The following SMPD3 variants were observed in gnomAD, a reference collection of about 807,000 sequenced individuals.
The protein encoded by SMPD3 is sphingomyelin phosphodiesterase 3, also known as nSMase-2.
SMPD3 carries 21 observed loss-of-function variants against 55.7 expected under a neutral mutation model. The observed-to-expected ratio is 0.38, with a 90% CI of 0.27 to 0.54. The LOEUF is 0.54. Ranked by LOEUF, SMPD3 falls within the 20% of genes least tolerant of loss-of-function variation. SMPD3 has a pLI of 0.80. For missense variants in SMPD3, 842 were observed against 899.6 expected (o/e 0.94, Z 0.82); for synonymous variants, 457 against 404.3 (o/e 1.13, Z -1.56).
At chr16:68,445,268 A>G (rs1013005100) in intron 1 of SMPD3, among the ~76,000 whole-genome samples, 1 of 152,256 alleles carries the variant, frequency 6.6e-6, no homozygotes, top group Admixed American at 6.5e-5. Flanking sequence ...GAACAGGGAA[A>G]GAGGAGAAAA....
intron 2 of SMPD3, among the ~76,000 whole-genome samples, chr16:68,374,421 G>A (rs2089756397): frequency 6.6e-6 from 1 of 151,874 alleles, no homozygotes. Flanking sequence ...GACGGGTGCA[G>A]TTTGGAGCAG....
At position 68,411,966 on chromosome 16, in the gene SMPD3, C is replaced by T. The variant is rs941654799; in HGVS notation, c.-268-25307G>A. ...GAGGGGAGAGGCTGGGGTGGGGGAG[C>T]TTTTGAGACATGGTGGCTGGGAGGC... On this transcript the variant is annotated intron_variant, in intron 1 of 8. Coordinates refer to ENST00000219334, the MANE Select transcript of SMPD3 (RefSeq NM_018667.4). Among the ~76,000 whole-genome samples the T allele has an allele frequency of 2.0e-5, 3 of 152,126 alleles. No individual in the cohort carries two copies. The East Asian group carries it at 5.8e-4, about 30-fold the overall frequency.
intron 2 of SMPD3, among the ~76,000 whole-genome samples, chr16:68,378,569 C>A (rs993218714): frequency 6.6e-6 from 1 of 151,890 alleles, no homozygotes; most frequent in Non-Finnish European, 1.5e-5. Context: ...ACCTGCACAC[C>A]CCCCCACCCC....
intron 2 of SMPD3, among the ~76,000 whole-genome samples, chr16:68,379,945 C>G (rs910717552): frequency 6.6e-6 from 1 of 152,226 alleles, no homozygotes; most frequent in Non-Finnish European, 1.5e-5. Flanking sequence ...CAAGAGCCAA[C>G]GTGATGTTTC....
At chr16:68,435,454 G>A (rs897199714) in intron 1 of SMPD3, among the ~76,000 whole-genome samples, 1 of 150,700 alleles carries the variant, frequency 6.6e-6, no homozygotes, top group Non-Finnish European at 1.5e-5. Flanking sequence ...AGCTTTAAGT[G>A]GTTTGTTTAA....
At chr16:68,439,553 T>G (rs2090550474) in intron 1 of SMPD3, among the ~76,000 whole-genome samples, 1 of 152,232 alleles carries the variant, frequency 6.6e-6, no homozygotes, top group Non-Finnish European at 1.5e-5. Context: ...TCCACCTCAA[T>G]TCACCCGCTA....
intron 2 of SMPD3, among the ~76,000 whole-genome samples, chr16:68,382,818 T>C (rs2089976529): frequency 6.6e-6 from 1 of 152,122 alleles, no homozygotes; most frequent in South Asian, 2.1e-4. Flanking sequence ...TGCCCCCAGT[T>C]AGTTTTTTTG....
chr16:68,363,395 C>T, intron 7 of SMPD3, 101 bp downstream of exon 7: 1 of 1,346,156 alleles, frequency 7.4e-7, no homozygotes, highest in East Asian at 2.3e-5. Flanking sequence ...TAAAAGCCCT[C>T]ATGAGCCCGA....
rs1413408438 is a variant in SMPD3, at chr16:68,404,454, C to T, written c.-268-17795G>A. Reference sequence around the variant, plus strand: ...CTCCTGGGCTCAAGGGATTCGCTTGCCTTGGCCTCCCAGGCATGAGCCACC... The same window carrying T: ...CTCCTGGGCTCAAGGGATTCGCTTGTCTTGGCCTCCCAGGCATGAGCCACC... On this transcript the variant is annotated intron_variant, in intron 1 of 8. Coordinates refer to ENST00000219334, the MANE Select transcript of SMPD3 (RefSeq NM_018667.4). The surrounding 1 kb of genome is among the most constrained non-coding windows in gnomAD (Gnocchi z 4.0). Among the ~76,000 whole-genome samples, 1 of 152,094 alleles carries T rather than the reference C, an allele frequency of 6.6e-6. No homozygotes were observed. Among genetic ancestry groups the T allele is most frequent in the Non-Finnish European group, 1.5e-5 (1 of 68,006 alleles).
intron 1 of SMPD3, among the ~76,000 whole-genome samples, chr16:68,395,118 T>G (rs1201771800): frequency 2.0e-5 from 3 of 151,690 alleles, no homozygotes; most frequent in Admixed American, 2.0e-4. Context: ...GGCAGGATTA[T>G]AGGTGATAGT....
Position 68,371,483 on chromosome 16 carries a change from A to G in SMPD3, c.699T>C (p.Pro233=), listed in dbSNP as rs368547386. The change falls in exon 3 of 9, where the codon CCT becomes CCC. Residue 233 remains proline, a synonymous_variant. Transcript: ENST00000219334. ...CATCCTCCGGGCTGCTGCTGTCGAC[A>G]GGGTCCCCAGAGGCTGGGCCGTTGG... ...EAANGPASGD[P]VDSSSPEDAC... is the part of the protein sequence containing the mutation. 1.8e-4 allele frequency: 292 copies of G among 1,598,278 alleles called. No individual in the cohort carries two copies. The highest frequency in any genetic ancestry group is 2.1e-4 in the Non-Finnish European group (244 of 1,179,422).
At chr16:68,426,394 G>C (rs1022307365) in intron 1 of SMPD3, among the ~76,000 whole-genome samples, 1 of 152,114 alleles carries the variant, frequency 6.6e-6, no homozygotes, top group Non-Finnish European at 1.5e-5. Context: ...GGCTCACCCT[G>C]GTCACACTGA....
chr16:68,406,396 C>A (rs2090254737), intron 1 of SMPD3, among the ~76,000 whole-genome samples: 1 of 152,194 alleles, frequency 6.6e-6, no homozygotes, highest in African/African-American at 2.4e-5. Flanking sequence ...TTTAACCTGG[C>A]CCTCCTCTTC....
At chr16:68,439,337 C>G (rs532338176) in intron 1 of SMPD3, among the ~76,000 whole-genome samples, 47 of 152,348 alleles carry the variant, frequency 3.1e-4, no homozygotes, top group Admixed American at 2.2e-3. Context: ...CTCCTCTCCC[C>G]AGCCAGACCC....
chr16:68,394,308 C>T lies in SMPD3; in HGVS notation c.-268-7649G>A, dbSNP rs552278587. On this transcript the variant is annotated intron_variant, in intron 1 of 8. Transcript: ENST00000219334. ...TTTGTCTACATTTTAGGTTTCATGT[C>T]TTACCTTATCCTCAACATCACTAAT... 2.0e-4 allele frequency among the ~76,000 whole-genome samples: 31 copies of T among 152,286 alleles called. No individual in the cohort carries two copies. In the South Asian group the frequency reaches 6.2e-3, roughly 30 times the overall value.
chr16:68,442,647 C>T (rs555835629), intron 1 of SMPD3, among the ~76,000 whole-genome samples: 4 of 152,242 alleles, frequency 2.6e-5, no homozygotes, highest in South Asian at 4.2e-4. Flanking sequence ...AGGGTTATAG[C>T]CAGGATTAGA....
chr16:68,433,209 G>A, intron 1 of SMPD3, among the ~76,000 whole-genome samples: 1 of 152,208 alleles, frequency 6.6e-6, no homozygotes, highest in African/African-American at 2.4e-5. Context: ...TACCCAAGGT[G>A]ATGATTTATT....
rs1398770638 is a variant in SMPD3, at chr16:68,358,369, C to T, written c.*2837G>A. 1 of 152,744 alleles carries T rather than the reference C, an allele frequency of 6.5e-6. No homozygotes were observed. The allele number at this position is 152,744 out of a possible 1,614,324, so 9.5% of individuals were successfully genotyped here. A position where few individuals can be genotyped will look rare whatever the true frequency, so the allele number is the denominator to read the frequency against. On this transcript the variant is annotated 3_prime_UTR_variant, in exon 9 of 9. Coordinates refer to ENST00000219334, the MANE Select transcript of SMPD3 (RefSeq NM_018667.4). ...ATTTTCTCCTCGTTATCCATCCTTCCTTTCAGCACCAGTAAGGAAAAAGAA... is the reference window on the plus strand; with the variant it reads ...ATTTTCTCCTCGTTATCCATCCTTCTTTTCAGCACCAGTAAGGAAAAAGAA...
At chr16:68,390,856 T>TG (rs2090105221) in intron 1 of SMPD3, among the ~76,000 whole-genome samples, 3 of 152,040 alleles carry the variant, frequency 2.0e-5, no homozygotes, top group African/African-American at 4.8e-5. Flanking sequence ...GGTGAGACCC[T>TG]GGGGGAGAGG....
Sources: gnomAD v4.1 joint callset for allele counts (sites outside exome capture counted in the v4.1 genomes callset) on GRCh38, gnomAD v4.1.1 for gene constraint, Gnocchi (gnomAD v3.1) non-coding constraint, MANE v1.5 for transcripts, NCBI Gene and HGNC (gene_info 2026-07-23, HGNC 2026-07-21) for gene names.